The following PKP4 variants were observed in gnomAD, a reference collection of about 807,000 sequenced individuals.
The protein encoded by PKP4 is plakophilin 4.
PKP4 carries 90 observed loss-of-function variants against 145.1 expected under a neutral mutation model. That is an observed-to-expected ratio of 0.62 (90% CI 0.52 to 0.74). The LOEUF is 0.74. PKP4 is among the 30% of genes least tolerant of loss of function. The probability of loss-of-function intolerance (pLI) is 0.00; values close to 1 mark genes in which losing one functional copy is unlikely to be tolerated. For missense variants in PKP4, 1,340 were observed against 1,482.7 expected (o/e 0.90, Z 1.58); for synonymous variants, 563 against 577.2 (o/e 0.98, Z 0.35).
intron 11 of PKP4, among the ~76,000 whole-genome samples, chr2:158,654,858 A>G (rs951788864): frequency 6.6e-6 from 1 of 152,236 alleles, no homozygotes; most frequent in African/African-American, 2.4e-5. Flanking sequence ...TAGATCCATC[A>G]CAAATATTTT....
At chr2:158,579,177 A>C (rs796488184) in intron 3 of PKP4, among the ~76,000 whole-genome samples, 3 of 152,320 alleles carry the variant, frequency 2.0e-5, no homozygotes, top group African/African-American at 7.2e-5. Flanking sequence ...ATGAGCTCAC[A>C]GTGAGATAGT....
At chr2:158,639,835 A>T (rs2054126997) in intron 9 of PKP4, among the ~76,000 whole-genome samples, 1 of 152,208 alleles carries the variant, frequency 6.6e-6, no homozygotes, top group African/African-American at 2.4e-5. Context: ...TTCGCAGTTT[A>T]CAGCCACGTG....
chr2:158,586,560 G>A (rs191746794), intron 3 of PKP4, among the ~76,000 whole-genome samples: 29 of 152,214 alleles, frequency 1.9e-4, no homozygotes, highest in African/African-American at 4.6e-4. Context: ...TATAATTACC[G>A]GAAACCCTCG....
chr2:158,607,976 A>G (rs183105568), intron 4 of PKP4, among the ~76,000 whole-genome samples: 4 of 152,334 alleles, frequency 2.6e-5, no homozygotes, highest in African/African-American at 4.8e-5. Flanking sequence ...GAAAAAAACA[A>G]TAAGACCTAC....
intron 11 of PKP4, among the ~76,000 whole-genome samples, chr2:158,657,105 A>G (rs1042118785): frequency 2.0e-5 from 3 of 152,202 alleles, no homozygotes; most frequent in Non-Finnish European, 2.9e-5. Flanking sequence ...GCAACTTGCC[A>G]AGGGTATGTC....
chr2:158,494,353 A>G (rs529233538), intron 1 of PKP4, among the ~76,000 whole-genome samples: 3 of 152,316 alleles, frequency 2.0e-5, no homozygotes, highest in East Asian at 3.9e-4. Flanking sequence ...TGAAATATCA[A>G]TTGTGCCAAA....
intron 1 of PKP4, among the ~76,000 whole-genome samples, chr2:158,480,882 C>T (rs554040772): frequency 6.6e-5 from 10 of 152,196 alleles, no homozygotes; most frequent in African/African-American, 2.2e-4. Context: ...TTTCTCTCTC[C>T]CCTCAGCACC....
intron 4 of PKP4, among the ~76,000 whole-genome samples, chr2:158,614,841 A>G (rs1169536987): frequency 6.6e-6 from 1 of 152,144 alleles, no homozygotes; most frequent in Non-Finnish European, 1.5e-5. Flanking sequence ...AGAAATTGTC[A>G]AGTCTGAAAA....
intron 7 of PKP4, among the ~76,000 whole-genome samples, chr2:158,629,717 CTT>C (rs11348839): frequency 6.7e-6 from 1 of 150,320 alleles, no homozygotes. Flanking sequence ...TGGGAGCAAT[CTT>C]TTTTTTTTTG....
intron 3 of PKP4, among the ~76,000 whole-genome samples, chr2:158,592,329 A>G (rs2049340091): frequency 6.6e-6 from 1 of 152,056 alleles, no homozygotes; most frequent in Admixed American, 6.6e-5. Context: ...AACATAGTAT[A>G]TGCTATGTAG....
rs572210990 is a variant in PKP4 at position 158,596,468 on chromosome 2, A to T, written c.246-6602A>T. Among the ~76,000 whole-genome samples the T allele has an allele frequency of 1.0e-3, 154 of 152,252 alleles. 1 individual carries two copies. Among genetic ancestry groups the T allele is most frequent in the African/African-American group, 3.6e-3 (149 of 41,540 alleles). ...CACAATGTACAAATGTATTTTAAAA[A>T]TTTTTCATAGTAAAGATTAATATAC... is the stretch of plus-strand genomic sequence containing the variant. On this transcript the variant is annotated intron_variant, in intron 3 of 21. Transcript: ENST00000389759.
chr2:158,618,988 G>A (rs972821982), intron 4 of PKP4, among the ~76,000 whole-genome samples: 4 of 152,036 alleles, frequency 2.6e-5, no homozygotes, highest in Non-Finnish European at 5.9e-5. Context: ...AAGCCTTGAG[G>A]CTACCACAGT....
intron 2 of PKP4, among the ~76,000 whole-genome samples, chr2:158,559,517 G>A (rs941058856): frequency 2.0e-5 from 3 of 152,096 alleles, no homozygotes; most frequent in Non-Finnish European, 4.4e-5. Context: ...CCCTGACCTA[G>A]CCTGGCACTC....
At chr2:158,640,887 A>G in intron 10 of PKP4, 128 bp downstream of exon 10, 1 of 955,632 alleles carries the variant, frequency 1.0e-6, no homozygotes, top group South Asian at 1.6e-5. Flanking sequence ...TTTTGATACC[A>G]GATACTCTTT....
In PKP4 at chr2:158,631,887, C is replaced by A; in HGVS notation, c.1288C>A (p.His430Asn). ...CAGCCCAGTGTACCGCAGCCCAAAC[C>A]ATGGAACTGTGGAGCTCCAAGGATC... ...YYSPVYRSPNHGTVELQGSQT... is the reference protein window; with the variant it reads ...YYSPVYRSPNNGTVELQGSQT... The change falls in exon 8 of 22, where the codon CAT becomes AAT. Residue 430 changes from histidine (H) to asparagine (N), a missense_variant. Physicochemically the swap from His to Asn is moderately conservative, Grantham distance 68. Coordinates refer to ENST00000389759, the MANE Select transcript of PKP4 (RefSeq NM_003628.6). 1 of 1,614,132 alleles carries A rather than the reference C, an allele frequency of 6.2e-7. No individual in the cohort carries two copies. Among genetic ancestry groups the A allele is most frequent in the South Asian group, 1.1e-5 (1 of 91,088 alleles).
intron 2 of PKP4, among the ~76,000 whole-genome samples, chr2:158,538,855 CTTAT>C (rs1381234157): frequency 2.0e-5 from 3 of 152,040 alleles, no homozygotes; most frequent in Non-Finnish European, 4.4e-5. Context: ...AAACCGCATT[CTTAT>C]ATTTTTGGTT....
At chr2:158,482,551 T>TA (rs1478304950) in intron 1 of PKP4, among the ~76,000 whole-genome samples, 2 of 152,054 alleles carry the variant, frequency 1.3e-5, no homozygotes, top group African/African-American at 4.8e-5. Context: ...AAATTGAACA[T>TA]ATAGGCCAAG....
chr2:158,463,939 C>T (rs531096155), intron 1 of PKP4, among the ~76,000 whole-genome samples: 6 of 152,138 alleles, frequency 3.9e-5, no homozygotes, highest in East Asian at 1.9e-4. Flanking sequence ...TGGGGCCCCT[C>T]GGGGCAGGAG....
At chr2:158,515,780 GCA>G (rs1230854762) in intron 1 of PKP4, among the ~76,000 whole-genome samples, 1 of 152,120 alleles carries the variant, frequency 6.6e-6, no homozygotes, top group African/African-American at 2.4e-5. Context: ...ACCTGGTGGT[GCA>G]CACCTGTAAT....
Sources: allele counts gnomAD v4.1 joint callset (sites outside exome capture counted in the v4.1 genomes callset), GRCh38; gene constraint gnomAD v4.1.1; transcripts MANE v1.5; gene names NCBI Gene and HGNC (gene_info 2026-07-23, HGNC 2026-07-21).